The following KCNG1 variants were observed in gnomAD, a reference collection of about 807,000 sequenced individuals.
KCNG1 encodes the protein potassium voltage-gated channel modifier subfamily G member 1, also known as voltage-gated potassium channel regulatory subunit KCNG1.
KCNG1 carries 17 observed loss-of-function variants against 32.4 expected under a neutral mutation model. The ratio of observed to expected loss-of-function variants is 0.52; its 90% CI spans 0.36 to 0.79. The LOEUF (loss-of-function observed/expected upper bound fraction) is 0.79, where lower values mean the gene tolerates loss of function less well. KCNG1 is among the 30% of genes least tolerant of loss of function. KCNG1 has a pLI of 0.00. For synonymous variants in KCNG1, 358 were observed against 339.9 expected, an observed-to-expected ratio of 1.05 and a Z score of -0.59; for missense variants, 441 against 735.2, an observed-to-expected ratio of 0.60 and a Z score of 4.63.
At chr20:51,020,433 G>A (rs1226030084) in intron 1 of KCNG1, among the ~76,000 whole-genome samples, 2 of 152,086 alleles carry the variant, frequency 1.3e-5, no homozygotes, top group African/African-American at 2.4e-5. Flanking sequence ...TCAGGGCAAC[G>A]GACAGTCTTA....
At position 51,004,899 on chromosome 20, in the gene KCNG1, G is replaced by T; in HGVS notation, c.775-93C>A. On this transcript the variant is annotated intron_variant, in intron 2 of 2. Coordinates refer to ENST00000371571, the MANE Select transcript of KCNG1 (RefSeq NM_002237.4). The surrounding 1 kb of genome is among the most constrained non-coding windows in gnomAD (Gnocchi z 4.3). ...GCCCTGTGCCCTGCTGGGCTTCCCAGGCGGAAGGTGACCTCTCCAGGTTGA... is the reference window on the plus strand; with the variant it reads ...GCCCTGTGCCCTGCTGGGCTTCCCATGCGGAAGGTGACCTCTCCAGGTTGA... 1 of 1,338,738 alleles carries T rather than the reference G, an allele frequency of 7.5e-7. No individual in the cohort carries two copies. 82.9% of individuals were successfully genotyped at this position (1,338,738 alleles called of 1,614,324 possible).
At position 51,004,837 on chromosome 20, in the gene KCNG1, G is replaced by T; in HGVS notation, c.775-31C>A. ...AGAGAGGGGAAGGGACGCCGGAGGG[G>T]TCAGCGGGCCCTCCAGGAAAGGAGG... On this transcript the variant is annotated intron_variant, in intron 2 of 2. Coordinates refer to ENST00000371571, the MANE Select transcript of KCNG1 (RefSeq NM_002237.4). The surrounding 1 kb of genome is among the most constrained non-coding windows in gnomAD (Gnocchi z 4.3). 6.7e-7 allele frequency: 1 copy of T among 1,500,458 alleles called. No individual in the cohort carries two copies. Among genetic ancestry groups the T allele is most frequent in the Non-Finnish European group, 8.9e-7 (1 of 1,119,482 alleles). The allele number at this position is 1,500,458 out of a possible 1,614,324, so 92.9% of individuals were successfully genotyped here. A position where few individuals can be genotyped will look rare whatever the true frequency, so the allele number is the denominator to read the frequency against.
At chr20:51,019,519 T>A (rs6020916) in intron 1 of KCNG1, among the ~76,000 whole-genome samples, 72,316 of 150,874 alleles carry the variant, frequency 0.48, 17,244 homozygotes, top group Admixed American at 0.54. Flanking sequence ...TCAAAAATAA[T>A]AATAATAATA....
At chr20:51,010,458 G>A in intron 1 of KCNG1, 94 bp from the exon 2 acceptor site, 2 of 880,256 alleles carry the variant, frequency 2.3e-6, no homozygotes, top group Non-Finnish European at 3.3e-6. Flanking sequence ...GTTAGGGATG[G>A]AATCTTTGTC....
chr20:51,014,732 GC>G (rs1432953944), intron 1 of KCNG1, among the ~76,000 whole-genome samples: 1 of 152,212 alleles, frequency 6.6e-6, no homozygotes, highest in African/African-American at 2.4e-5. Flanking sequence ...TCAGGCTGCA[GC>G]GACTGCAGTG....
intron 1 of KCNG1, among the ~76,000 whole-genome samples, chr20:51,012,832 C>T (rs541196361): frequency 5.3e-5 from 8 of 152,344 alleles, no homozygotes; most frequent in Admixed American, 2.6e-4. Flanking sequence ...CAATCCACCA[C>T]AGTCCCCACC....
intron 1 of KCNG1, among the ~76,000 whole-genome samples, chr20:51,010,584 A>T (rs1314912377): frequency 2.0e-5 from 3 of 152,116 alleles, no homozygotes; most frequent in Non-Finnish European, 4.4e-5. Flanking sequence ...CCACGATGGG[A>T]TTCGTGTTCT....
chr20:51,018,358 C>T (rs1302813427), intron 1 of KCNG1, among the ~76,000 whole-genome samples: 1 of 152,186 alleles, frequency 6.6e-6, no homozygotes. Context: ...CGGAGGTTTG[C>T]TGCAGGGATG....
intron 1 of KCNG1, among the ~76,000 whole-genome samples, chr20:51,010,819 T>C (rs1988058202): frequency 1.3e-5 from 2 of 151,256 alleles, no homozygotes; most frequent in Admixed American, 1.3e-4. Flanking sequence ...CGCTTGAACA[T>C]GGGAGGCGAA....
chr20:51,003,670 T>G lies in KCNG1; in HGVS notation c.*369A>C. Reference sequence around the variant, plus strand: ...AGAGACAGACATGCTGTTTCTGCTGTTTGTATTTTTTTTTTTTTTCTCCAG... The same window carrying G: ...AGAGACAGACATGCTGTTTCTGCTGGTTGTATTTTTTTTTTTTTTCTCCAG... On this transcript the variant is annotated 3_prime_UTR_variant, in exon 3 of 3. Transcript: ENST00000371571. 1 of 170,392 alleles carries G rather than the reference T, an allele frequency of 5.9e-6. No homozygotes were observed. The allele number at this position is 170,392 out of a possible 1,614,324, so 10.6% of individuals were successfully genotyped here. A position where few individuals can be genotyped will look rare whatever the true frequency, so the allele number is the denominator to read the frequency against.
chr20:51,009,376 G>A (rs1987964868), intron 2 of KCNG1, 189 bp downstream of exon 2: 4 of 715,154 alleles, frequency 5.6e-6, no homozygotes, highest in African/African-American at 1.8e-5. Context: ...AGGCACAGGC[G>A]TGGACCCCCA....
chr20:51,004,591 C>T lies in KCNG1; in HGVS notation c.990G>A (p.Ala330=), dbSNP rs544808363. Residue 330 remains alanine (A), a synonymous_variant, in exon 3 of 3, where the codon GCG becomes GCA. Transcript: ENST00000371571. This position sits in a 1 kb window ranked among gnomAD's most constrained non-coding sequence, Gnocchi z 4.3. ...CCACCTTGTCCAGGTAGCTGTTGCC[C>T]GCGCCGGGCTTGCGACGGCCTGCGG... ...GAAAGRRKPG[A]GNSYLDKVGL... is the part of the protein sequence containing the mutation. 3 of 1,578,172 alleles carry T rather than the reference C, an allele frequency of 1.9e-6. No individual in the cohort carries two copies. Among genetic ancestry groups the T allele is most frequent in the Non-Finnish European group, 2.6e-6 (3 of 1,161,568 alleles).
rs1987766591 is a variant in KCNG1 at position 51,004,861 on chromosome 20, G to C, written c.775-55C>G. 8 of 1,466,512 alleles carry C rather than the reference G, an allele frequency of 5.5e-6. No individual in the cohort carries two copies. The South Asian group carries it at 1.1e-4, about 21-fold the overall frequency. 90.8% of individuals were successfully genotyped at this position (1,466,512 alleles called of 1,614,324 possible). On this transcript the variant is annotated intron_variant, in intron 2 of 2. Coordinates refer to ENST00000371571, the MANE Select transcript of KCNG1 (RefSeq NM_002237.4). This position sits in a 1 kb window ranked among gnomAD's most constrained non-coding sequence, Gnocchi z 4.3. ...GGTCAGCGGGCCCTCCAGGAAAGGA[G>C]GGCAGAAGCTCTGCCCTGTGCCCTG...
chr20:51,009,680 G>C lies in KCNG1; in HGVS notation c.659C>G (p.Pro220Arg). The change falls in exon 2 of 3, where the codon CCG becomes CGG. Residue 220 changes from proline (P) to arginine (R), a missense_variant. Pro to Arg is a moderately radical substitution (Grantham distance 103). Transcript: ENST00000371571. ...CACCTTGCCAGGCAGCCCCGAGTGC[G>C]GCCTCTCCACCATGTCGCGCAGTCG... is the stretch of plus-strand genomic sequence containing the variant. ...MRRLRDMVER[P>R]HSGLPGKVFA... 6.2e-7 allele frequency: 1 copy of C among 1,605,542 alleles called. No individual in the cohort carries two copies. Among genetic ancestry groups the C allele is most frequent in the Non-Finnish European group, 8.5e-7 (1 of 1,179,204 alleles).
chr20:51,022,185 C>T (rs1301832534), intron 1 of KCNG1, among the ~76,000 whole-genome samples: 1 of 152,174 alleles, frequency 6.6e-6, no homozygotes, highest in Non-Finnish European at 1.5e-5. Flanking sequence ...TGATGAGCTG[C>T]TTACAATAGG....
chr20:51,007,419 A>G (rs1308577024), intron 2 of KCNG1: 1 of 151,828 alleles, frequency 6.6e-6, no homozygotes, highest in Non-Finnish European at 1.5e-5. Context: ...CTCCTGACCT[A>G]AAGTGATCCA....
At chr20:51,019,510 C>CAAA (rs1268455571) in intron 1 of KCNG1, among the ~76,000 whole-genome samples, 2 of 147,010 alleles carry the variant, frequency 1.4e-5, no homozygotes, top group South Asian at 2.2e-4. Flanking sequence ...ACCCTGTCTT[C>CAAA]AAAAATAATA....
In KCNG1 at chr20:51,015,301, G is replaced by A. The variant is rs538934090; in HGVS notation, c.-26-4937C>T. 2.6e-5 allele frequency among the ~76,000 whole-genome samples: 4 copies of A among 152,306 alleles called. No homozygotes were observed. Among genetic ancestry groups the A allele is most frequent in the Admixed American group, 2.6e-4 (4 of 15,304 alleles). Reference sequence around the variant, plus strand: ...TTCCAGGGGTGCCATTTACCGAGGCGACGGATAGGTGGCGCTATGGTGAGC... The same window carrying A: ...TTCCAGGGGTGCCATTTACCGAGGCAACGGATAGGTGGCGCTATGGTGAGC... On this transcript the variant is annotated intron_variant, in intron 1 of 2. Transcript: ENST00000371571. This position sits in a 1 kb window ranked among gnomAD's most constrained non-coding sequence, Gnocchi z 4.4.
chr20:51,020,509 C>T (rs1374793324), intron 1 of KCNG1, among the ~76,000 whole-genome samples: 1 of 152,192 alleles, frequency 6.6e-6, no homozygotes, highest in East Asian at 1.9e-4. Flanking sequence ...CAAATACAGT[C>T]TGCTGGATGA....
Sources: allele counts gnomAD v4.1 joint callset (sites outside exome capture counted in the v4.1 genomes callset), GRCh38; gene constraint gnomAD v4.1.1; non-coding constraint Gnocchi (gnomAD v3.1); transcripts MANE v1.5; gene names NCBI Gene and HGNC (gene_info 2026-07-23, HGNC 2026-07-21).